The following NPC1 variants were observed in gnomAD, a reference collection of about 807,000 sequenced individuals.
NPC1 encodes the protein Niemann-Pick C1 protein.
NPC1 carries 85 observed loss-of-function variants against 140.4 expected under a neutral mutation model. The observed-to-expected ratio is 0.61, with a 90% confidence interval of 0.51 to 0.72. NPC1 has a LOEUF of 0.72. Ranked by LOEUF, NPC1 falls within the 30% of genes least tolerant of loss-of-function variation. NPC1 has a pLI of 0.00. For missense variants in NPC1, 1,504 were observed against 1,623.8 expected (o/e 0.93, Z 1.27); for synonymous variants, 656 against 624.8 (o/e 1.05, Z -0.74).
chr18:23,543,940 T>C (rs771629090), intron 13 of NPC1, among the ~76,000 whole-genome samples: 1 of 152,198 alleles, frequency 6.6e-6, no homozygotes, highest in Non-Finnish European at 1.5e-5. Flanking sequence ...TGTTGACCTT[T>C]TGCCTTTTTA....
At chr18:23,547,216 G>A (rs2058802306) in intron 11 of NPC1, among the ~76,000 whole-genome samples, 1 of 152,060 alleles carries the variant, frequency 6.6e-6, no homozygotes, top group South Asian at 2.1e-4. Flanking sequence ...GTGCAACCTG[G>A]CCTCCTAAGT....
chr18:23,566,143 C>G (rs1306997674), intron 4 of NPC1, among the ~76,000 whole-genome samples: 2 of 152,146 alleles, frequency 1.3e-5, no homozygotes, highest in Non-Finnish European at 2.9e-5. Flanking sequence ...GTGACTCACA[C>G]CTGTAATCCC....
rs552028482 is a variant in NPC1 at position 23,543,340 on chromosome 18, A to AG, written c.2245+114_2245+115insC. The AG allele has an allele frequency of 0.018, 12,614 of 686,082 alleles. 258 individuals are homozygous for AG. The highest frequency in any genetic ancestry group is 0.049 in the South Asian group (2,995 of 61,746). 42.5% of individuals were successfully genotyped at this position (686,082 alleles called of 1,614,324 possible). A position where few individuals can be genotyped will look rare whatever the true frequency, so the allele number is the denominator to read the frequency against. ...TGAGACTCCGTCTCAGAGAAAAAAA[A>AG]AAAAAAGAAAAAAAAAAAAAGGAAG... is the stretch of plus-strand genomic sequence containing the variant. On this transcript the variant is annotated intron_variant, in intron 14 of 24. Transcript: ENST00000269228.
downstream of NPC1, among the ~76,000 whole-genome samples, chr18:23,517,700 C>T (rs897443766): frequency 2.0e-5 from 3 of 151,700 alleles, no homozygotes; most frequent in African/African-American, 7.3e-5. Flanking sequence ...TTTAAACGTA[C>T]TCTTCTGTGG....
chr18:23,526,697 G>A (rs2058307376), downstream of NPC1: 2 of 1,614,016 alleles, frequency 1.2e-6, no homozygotes, highest in East Asian at 2.2e-5. Context: ...CCAGACAAAG[G>A]AAGACTCATG....
At chr18:23,558,728 AATT>A (rs927683681) in intron 6 of NPC1, among the ~76,000 whole-genome samples, 9 of 150,276 alleles carry the variant, frequency 6.0e-5, no homozygotes, top group Middle Eastern at 3.4e-3. Context: ...TTTTTTTTTT[AATT>A]ATTATTATAC....
At chr18:23,548,269 T>C (rs1288545550) in intron 10 of NPC1, among the ~76,000 whole-genome samples, 161 bp from the exon 11 acceptor site, 1 of 152,118 alleles carries the variant, frequency 6.6e-6, no homozygotes, top group Admixed American at 6.5e-5. Flanking sequence ...AGTCTTTATG[T>C]ACTTCAGTTA....
intron 20 of NPC1, among the ~76,000 whole-genome samples, chr18:23,537,786 A>G (rs1029584251): frequency 6.6e-6 from 1 of 152,226 alleles, no homozygotes; most frequent in Non-Finnish European, 1.5e-5. Context: ...ATCAAGCTGC[A>G]AGATTCATTT....
chr18:23,561,211 T>G lies in NPC1; in HGVS notation c.631+149A>C, dbSNP rs1029664536. 4 of 810,888 alleles carry G rather than the reference T, an allele frequency of 4.9e-6. No individual in the cohort carries two copies. In the African/African-American group the frequency reaches 5.0e-5, roughly 10 times the overall value. 50.2% of individuals were successfully genotyped at this position (810,888 alleles called of 1,614,324 possible). ...TTCTTTCATAGAGATGGGGCCTCAC[T>G]ACATTGCCCAGGCTGGTCTGGAACT... On this transcript the variant is annotated intron_variant, in intron 5 of 24. Transcript: ENST00000269228.
chr18:23,573,585 TCAACA>T lies in NPC1; in HGVS notation c.58-16_58-12del, dbSNP rs1170924037. 1.2e-6 allele frequency: 2 copies of T among 1,614,096 alleles called. No individual in the cohort carries two copies. The highest frequency in any genetic ancestry group is 3.3e-5 in the Admixed American group (2 of 60,018). ...GGACTGTGAAAACACCTACAGAAAG[TCAACA>T]CAAACTTCAGTGTTACCAGGGTCTC... On this transcript the variant is annotated splice_polypyrimidine_tract_variant and intron_variant, in intron 1 of 24. Transcript: ENST00000269228.
In NPC1 at chr18:23,531,708, C is replaced by A. The variant is rs201277520; in HGVS notation, c.*494G>T. ...AATGAGGCCTACAACATTCTGAAAT[C>A]ACTTGCTGTTTTTTTATATAAAAAT... On this transcript the variant is annotated 3_prime_UTR_variant, in exon 25 of 25. Coordinates refer to ENST00000269228, the MANE Select transcript of NPC1 (RefSeq NM_000271.5). 2.1e-4 allele frequency: 334 copies of A among 1,601,234 alleles called. 2 individuals carry two copies. In the African/African-American group the frequency reaches 4.0e-3, roughly 19 times the overall value.
At chr18:23,572,567 C>T (rs988226241) in intron 2 of NPC1, among the ~76,000 whole-genome samples, 8 of 152,142 alleles carry the variant, frequency 5.3e-5, no homozygotes, top group African/African-American at 1.9e-4. Flanking sequence ...GGTACTGTGG[C>T]TCATGCCTGT....
chr18:23,509,164 T>C, intron 3 of NPC1: 1 of 967,260 alleles, frequency 1.0e-6, no homozygotes, highest in Non-Finnish European at 1.4e-6. Flanking sequence ...TCTTATTAAT[T>C]AAAAATATTT....
intron 3 of NPC1, chr18:23,506,928 A>G: frequency 1.5e-6 from 2 of 1,358,346 alleles, no homozygotes; most frequent in Non-Finnish European, 2.1e-6. Flanking sequence ...TAGTAGCTAG[A>G]ATTCGGTTAT....
downstream of NPC1, chr18:23,530,712 AAAC>A (rs1412943769): frequency 1.1e-4 from 120 of 1,128,564 alleles, no homozygotes; most frequent in South Asian, 1.7e-3. Context: ...GCATTTTTGT[AAAC>A]AACACAATTT....
intron 13 of NPC1, among the ~76,000 whole-genome samples, 177 bp from the exon 14 acceptor site, chr18:23,543,746 T>C (rs998016163): frequency 1.4e-4 from 21 of 152,126 alleles, no homozygotes; most frequent in Non-Finnish European, 3.1e-4. Flanking sequence ...ATTTCTGCAC[T>C]ACAGAGCTAG....
At chr18:23,537,506 G>A (rs1186605104) in intron 20 of NPC1, among the ~76,000 whole-genome samples, 1 of 152,190 alleles carries the variant, frequency 6.6e-6, no homozygotes, top group African/African-American at 2.4e-5. Context: ...GAAAGGGCAA[G>A]GGCCCTGGGA....
chr18:23,544,831 C>A lies in NPC1; in HGVS notation c.1947+129G>T, dbSNP rs751271662. ...ATGTAGGCAACAGAAACGTTACATA[C>A]AATTAAAACATGGGGGAATTTATGG... On this transcript the variant is annotated intron_variant, in intron 12 of 24. Coordinates refer to ENST00000269228, the MANE Select transcript of NPC1 (RefSeq NM_000271.5). 1.4e-5 allele frequency: 11 copies of A among 767,238 alleles called. 1 individual carries two copies. The highest frequency in any genetic ancestry group is 2.2e-5 in the Non-Finnish European group (10 of 453,998). The allele number at this position is 767,238 out of a possible 1,614,324, so 47.5% of individuals were successfully genotyped here. A position where few individuals can be genotyped will look rare whatever the true frequency, so the allele number is the denominator to read the frequency against.
rs2058948445 is a variant in NPC1, at chr18:23,556,258, T to C, written c.1311A>G (p.Ile437Met). ...ADVPFGPPLD[I>M]QILHQVLDLQ... ...AGCAGGTTACCTGGTGCAGTATCTG[T>C]ATGTCAAGCGGAGGTCCAAAGGGTA... is the stretch of plus-strand genomic sequence containing the variant. Residue 437 changes from isoleucine (I) to methionine (M), a missense_variant, in exon 8 of 25, where the codon ATA becomes ATG. Transcript: ENST00000269228. The C allele has an allele frequency of 6.2e-7, 1 of 1,614,136 alleles. No individual in the cohort carries two copies. Among genetic ancestry groups the C allele is most frequent in the Non-Finnish European group, 8.5e-7 (1 of 1,180,016 alleles).
Sources: gnomAD v4.1 joint callset for allele counts (sites outside exome capture counted in the v4.1 genomes callset) on GRCh38, gnomAD v4.1.1 for gene constraint, MANE v1.5 for transcripts, NCBI Gene and HGNC (gene_info 2026-07-23, HGNC 2026-07-21) for gene names.